Variants in TMEM117 observed in about 807,000 individuals in gnomAD.
TMEM117 encodes the protein transmembrane protein 117.
TMEM117 carries 27 observed loss-of-function variants against 52.4 expected under a neutral mutation model. The ratio of observed to expected loss-of-function variants is 0.51; its 90% CI spans 0.38 to 0.71. The LOEUF (loss-of-function observed/expected upper bound fraction) is 0.71, where lower values mean the gene tolerates loss of function less well. TMEM117 is among the 30% of genes least tolerant of loss of function. The pLI is 0.00. For synonymous variants in TMEM117, 215 were observed against 206.3 expected (o/e 1.04, Z -0.36); for missense variants, 556 against 630.5 (o/e 0.88, Z 1.26).
chr12:44,369,105 T>C (rs1182972650), intron 6 of TMEM117, among the ~76,000 whole-genome samples: 1 of 152,310 alleles, frequency 6.6e-6, no homozygotes, highest in East Asian at 1.9e-4. Flanking sequence ...GTTAACTATA[T>C]TTGCCTAGTG....
intron 3 of TMEM117, among the ~76,000 whole-genome samples, chr12:44,038,645 C>G (rs1946749546): frequency 1.3e-5 from 2 of 152,190 alleles, no homozygotes; most frequent in South Asian, 4.1e-4. Flanking sequence ...GCAAAGGTGC[C>G]CCTGGCCACA....
chr12:44,235,639 C>A (rs1373858141), intron 5 of TMEM117, among the ~76,000 whole-genome samples: 1 of 151,632 alleles, frequency 6.6e-6, no homozygotes, highest in South Asian at 2.1e-4. Flanking sequence ...TTCCAGTTTG[C>A]TTTCTTTTAT....
intron 6 of TMEM117, among the ~76,000 whole-genome samples, chr12:44,367,173 T>G (rs1230754331): frequency 1.3e-5 from 2 of 152,140 alleles, no homozygotes; most frequent in Non-Finnish European, 2.9e-5. Flanking sequence ...CTCTTCACCC[T>G]ACTTCAACTA....
At chr12:44,239,879 C>A (rs1565625936) in intron 5 of TMEM117, among the ~76,000 whole-genome samples, 1 of 151,752 alleles carries the variant, frequency 6.6e-6, no homozygotes, top group African/African-American at 2.4e-5. Flanking sequence ...CCTCATATGA[C>A]TTTTTTTTAA....
rs562843291 is a variant in TMEM117, at chr12:43,991,709, T to TGAGA, written c.410+47381_410+47384dup. 2.6e-4 allele frequency among the ~76,000 whole-genome samples: 39 copies of TGAGA among 149,816 alleles called. No individual in the cohort carries two copies. In the South Asian group the frequency reaches 8.1e-3, roughly 31 times the overall value. On this transcript the variant is annotated intron_variant, in intron 3 of 7. Transcript: ENST00000266534. ...TTCTAATTATTATCTACGGACAAAATGAGAGAGAGAGAGAGAGCAAGAGTG... is the reference window on the plus strand; with the variant it reads ...TTCTAATTATTATCTACGGACAAAATGAGAGAGAGAGAGAGAGAGAGCAAGAGTG...
At chr12:43,941,040 C>T (rs995119137) in intron 2 of TMEM117, among the ~76,000 whole-genome samples, 1 of 152,050 alleles carries the variant, frequency 6.6e-6, no homozygotes, top group Non-Finnish European at 1.5e-5. Context: ...AGGTTTGTGT[C>T]CCACTTTAAT....
intron 6 of TMEM117, among the ~76,000 whole-genome samples, chr12:44,367,676 C>G (rs1951807626): frequency 6.6e-6 from 1 of 152,058 alleles, no homozygotes; most frequent in Admixed American, 6.6e-5. Flanking sequence ...CAAAGATTCC[C>G]AACTGCCTAC....
At chr12:44,203,063 G>A (rs1229120129) in intron 4 of TMEM117, among the ~76,000 whole-genome samples, 1 of 151,966 alleles carries the variant, frequency 6.6e-6, no homozygotes, top group African/African-American at 2.4e-5. Flanking sequence ...CCAAAATGCT[G>A]GGATTACAGG....
At chr12:43,895,400 G>A (rs759665346) in intron 2 of TMEM117, among the ~76,000 whole-genome samples, 4 of 152,120 alleles carry the variant, frequency 2.6e-5, no homozygotes, top group Non-Finnish European at 2.9e-5. Context: ...GTCTATCACT[G>A]ACGCGCATTT....
chr12:44,000,808 G>T (rs1462247678), intron 3 of TMEM117, among the ~76,000 whole-genome samples: 1 of 152,210 alleles, frequency 6.6e-6, no homozygotes, highest in African/African-American at 2.4e-5. Context: ...AGCGTGCAAG[G>T]TGGGCTGAGT....
the TMEM117 span, chr12:43,797,795 T>A: frequency 9.9e-6 from 16 of 1,613,426 alleles, no homozygotes; most frequent in Non-Finnish European, 1.4e-5. Context: ...CTCCTTGTAG[T>A]GTTTGATGCT....
intron 2 of TMEM117, among the ~76,000 whole-genome samples, chr12:43,902,728 CT>C (rs2137509034): frequency 6.6e-6 from 1 of 152,262 alleles, no homozygotes; most frequent in South Asian, 2.1e-4. Flanking sequence ...CTATTTAACA[CT>C]TCCATTTAAT....
rs1397895218 is a variant in TMEM117, at chr12:43,962,260, TATTTC to T, written c.410+17923_410+17927del. ...ACATTGGAATTGGTTAACTTTTCTC[TATTTC>T]ATTTGCCTTTAGGCTACCACCAGGG... On this transcript the variant is annotated intron_variant, in intron 3 of 7. Coordinates refer to ENST00000266534, the MANE Select transcript of TMEM117 (RefSeq NM_032256.3). 3.3e-5 allele frequency among the ~76,000 whole-genome samples: 5 copies of T among 152,314 alleles called. No individual in the cohort carries two copies. In the South Asian group the frequency reaches 6.2e-4, roughly 19 times the overall value.
intron 4 of TMEM117, among the ~76,000 whole-genome samples, chr12:44,173,230 C>T (rs112791681): frequency 2.0e-5 from 3 of 152,332 alleles, no homozygotes; most frequent in African/African-American, 7.2e-5. Flanking sequence ...TGTGTGCCAG[C>T]ATGCCTGGCT....
intron 3 of TMEM117, among the ~76,000 whole-genome samples, chr12:44,050,583 C>G (rs926086876): frequency 6.6e-6 from 1 of 152,154 alleles, no homozygotes; most frequent in Non-Finnish European, 1.5e-5. Context: ...TCAGCTCTCT[C>G]GACTCTGCCT....
At chr12:43,962,834 A>AG (rs1456048277) in intron 3 of TMEM117, among the ~76,000 whole-genome samples, 1 of 152,080 alleles carries the variant, frequency 6.6e-6, no homozygotes. Flanking sequence ...AGGCTGAGGC[A>AG]GGAGAATGGT....
intron 3 of TMEM117, among the ~76,000 whole-genome samples, chr12:43,980,519 C>G (rs528017232): frequency 2.8e-4 from 42 of 152,296 alleles, no homozygotes; most frequent in African/African-American, 1.0e-3. Context: ...TATACTGTTG[C>G]TCTTGAGCTG....
rs147879337 is a variant in TMEM117, at chr12:44,161,310, T to C, written c.510+17686T>C. 2.4e-3 allele frequency among the ~76,000 whole-genome samples: 363 copies of C among 152,272 alleles called. 5 individuals carry two copies. The highest frequency in any genetic ancestry group is 8.4e-3 in the African/African-American group (348 of 41,564). On this transcript the variant is annotated intron_variant, in intron 4 of 7. Coordinates refer to ENST00000266534, the MANE Select transcript of TMEM117 (RefSeq NM_032256.3). ...TAATGGAAAGAATGTTGAATTTGCATACAGTTGGGTTTAAATCTCAATTCT... is the reference window on the plus strand; with the variant it reads ...TAATGGAAAGAATGTTGAATTTGCACACAGTTGGGTTTAAATCTCAATTCT...
chr12:43,908,379 C>A (rs1944431188), intron 2 of TMEM117, among the ~76,000 whole-genome samples: 2 of 111,730 alleles, frequency 1.8e-5, no homozygotes, highest in African/African-American at 2.7e-5. Flanking sequence ...CCAATACCAG[C>A]CACTGCAAAA....
Sources: gnomAD v4.1 joint callset for allele counts (sites outside exome capture counted in the v4.1 genomes callset) on GRCh38, gnomAD v4.1.1 for gene constraint, MANE v1.5 for transcripts, NCBI Gene and HGNC (gene_info 2026-07-23, HGNC 2026-07-21) for gene names.